Variants in ZNF804B observed in about 807,000 individuals in gnomAD.
ZNF804B encodes the protein zinc finger protein 804B, also known as zinc finger 804B.
A neutral mutation model predicts 101.4 loss-of-function variants in ZNF804B; 80 were observed. That is an observed-to-expected ratio of 0.79 (90% CI 0.66 to 0.95). The LOEUF (loss-of-function observed/expected upper bound fraction) is 0.95, where lower values mean the gene tolerates loss of function less well. Ranked by LOEUF, ZNF804B falls within the 40% of genes least tolerant of loss-of-function variation. The pLI is 0.00. For synonymous variants in ZNF804B, 622 were observed against 558.8 expected (o/e 1.11, Z -1.59); for missense variants, 1,673 against 1,561.9 (o/e 1.07, Z -1.20).
intron 1 of ZNF804B, among the ~76,000 whole-genome samples, chr7:88,935,284 C>T (rs1038783565): frequency 6.6e-6 from 1 of 150,408 alleles, no homozygotes; most frequent in African/African-American, 2.4e-5. Context: ...ACAGGTGCAC[C>T]AGAATCTCAG....
intron 1 of ZNF804B, among the ~76,000 whole-genome samples, chr7:88,924,046 G>A (rs1432733264): frequency 6.6e-6 from 1 of 151,944 alleles, no homozygotes; most frequent in Non-Finnish European, 1.5e-5. Flanking sequence ...TTTCCAACTG[G>A]CACACCTTTT....
intron 1 of ZNF804B, among the ~76,000 whole-genome samples, chr7:88,781,380 A>G (rs191859693): frequency 3.9e-5 from 6 of 152,254 alleles, no homozygotes; most frequent in African/African-American, 1.2e-4. Context: ...TGACTTGCTA[A>G]AACATGTTCT....
intron 1 of ZNF804B, among the ~76,000 whole-genome samples, chr7:89,063,940 T>A (rs79467490): frequency 6.6e-6 from 1 of 152,172 alleles, no homozygotes; most frequent in Admixed American, 6.5e-5. Flanking sequence ...TAGTATTGTG[T>A]GTTACTCTCA....
At chr7:89,160,298 A>G (rs1331317602) in intron 1 of ZNF804B, among the ~76,000 whole-genome samples, 1 of 152,148 alleles carries the variant, frequency 6.6e-6, no homozygotes, top group Non-Finnish European at 1.5e-5. Flanking sequence ...TTCCTGTCAC[A>G]TTCCATCATG....
intron 2 of ZNF804B, among the ~76,000 whole-genome samples, chr7:89,271,771 T>G (rs1208846): frequency 0.25 from 37,287 of 151,978 alleles, 4,788 homozygotes; most frequent in Non-Finnish European, 0.27. Flanking sequence ...TATTCAGGGA[T>G]TCAACTTCTT....
At chr7:89,257,214 T>C (rs990261291) in intron 2 of ZNF804B, among the ~76,000 whole-genome samples, 3 of 152,168 alleles carry the variant, frequency 2.0e-5, no homozygotes, top group Admixed American at 2.0e-4. Flanking sequence ...TCCCTCAGTT[T>C]TGTAGTGACT....
intron 2 of ZNF804B, among the ~76,000 whole-genome samples, chr7:89,318,800 G>A (rs577832025): frequency 2.6e-5 from 4 of 152,208 alleles, no homozygotes; most frequent in East Asian, 3.9e-4. Context: ...ACCCAGCGGC[G>A]CTAGAGGAAT....
intron 1 of ZNF804B, among the ~76,000 whole-genome samples, chr7:88,823,055 CAA>C (rs1438792156): frequency 2.0e-5 from 3 of 151,960 alleles, no homozygotes; most frequent in African/African-American, 7.2e-5. Context: ...CAAAAAAATA[CAA>C]AAATTAGCCT....
At chr7:89,251,672 C>T (rs976933176) in intron 2 of ZNF804B, among the ~76,000 whole-genome samples, 2 of 152,140 alleles carry the variant, frequency 1.3e-5, no homozygotes, top group Middle Eastern at 3.4e-3. Context: ...GTAACCAAAA[C>T]GGTATGGTAT....
chr7:89,098,897 C>A (rs893566672), intron 1 of ZNF804B, among the ~76,000 whole-genome samples: 4 of 151,588 alleles, frequency 2.6e-5, no homozygotes, highest in African/African-American at 9.7e-5. Flanking sequence ...TATTTTTATA[C>A]CTGGTCATAA....
At chr7:89,155,018 A>G (rs1234289148) in intron 1 of ZNF804B, among the ~76,000 whole-genome samples, 4 of 152,136 alleles carry the variant, frequency 2.6e-5, no homozygotes, top group Admixed American at 1.3e-4. Context: ...CCATCAATGT[A>G]TGTACCAACT....
chr7:88,978,035 A>G (rs893575531), intron 1 of ZNF804B, among the ~76,000 whole-genome samples: 6 of 151,498 alleles, frequency 4.0e-5, no homozygotes, highest in Admixed American at 2.6e-4. Context: ...TGTTTGTGTA[A>G]TTTTCAAAGT....
chr7:89,027,987 T>C (rs1788776828), intron 1 of ZNF804B, among the ~76,000 whole-genome samples: 1 of 152,196 alleles, frequency 6.6e-6, no homozygotes, highest in Admixed American at 6.6e-5. Context: ...TTCAACGTTT[T>C]ACCACTGGAA....
At chr7:89,065,432 T>C (rs2116288177) in intron 1 of ZNF804B, among the ~76,000 whole-genome samples, 1 of 152,284 alleles carries the variant, frequency 6.6e-6, no homozygotes, top group East Asian at 1.9e-4. Context: ...GTATGTATTT[T>C]TTTTTCTTTT....
At chr7:88,765,872 T>C (rs984119523) in intron 1 of ZNF804B, among the ~76,000 whole-genome samples, 1 of 142,818 alleles carries the variant, frequency 7.0e-6, no homozygotes, top group African/African-American at 2.9e-5. Context: ...ATTTCCAAGT[T>C]ACGTAGTCTC....
rs38971 is a variant in ZNF804B, at chr7:89,327,385, A to G, written c.291A>G (p.Val97=). ...AGCAACGGGAATTTGCTCGAAATGT[A>G]GCTTCTAAGTCATGGAAAGATGAGA... ...ELKQREFARN[V]ASKSWKDEKK... The change falls in exon 3 of 4, where the codon GTA becomes GTG. Residue 97 remains valine, a synonymous_variant. Coordinates refer to ENST00000333190, the MANE Select transcript of ZNF804B (RefSeq NM_181646.5). 0.19 allele frequency: 305,839 copies of G among 1,608,182 alleles called. 36,089 individuals are homozygous for G. The highest frequency in any genetic ancestry group is 0.67 in the East Asian group (29,980 of 44,534).
At chr7:89,202,404 AG>A (rs1436280791) in intron 1 of ZNF804B, among the ~76,000 whole-genome samples, 1 of 152,078 alleles carries the variant, frequency 6.6e-6, no homozygotes, top group Non-Finnish European at 1.5e-5. Context: ...TTTAAAGCTT[AG>A]GGGGATAAAG....
intron 1 of ZNF804B, among the ~76,000 whole-genome samples, chr7:88,853,134 T>A (rs1310569089): frequency 6.6e-6 from 1 of 152,122 alleles, no homozygotes; most frequent in African/African-American, 2.4e-5. Context: ...TGTGAATTGG[T>A]GTCTCTGTTA....
intron 2 of ZNF804B, among the ~76,000 whole-genome samples, chr7:89,250,888 CAT>C (rs1363739427): frequency 6.6e-6 from 1 of 152,110 alleles, no homozygotes; most frequent in African/African-American, 2.4e-5. Context: ...CAAAATCTAA[CAT>C]GTCTTCATGT....
Sources: allele counts gnomAD v4.1 joint callset (sites outside exome capture counted in the v4.1 genomes callset), GRCh38; gene constraint gnomAD v4.1.1; transcripts MANE v1.5; gene names NCBI Gene and HGNC (gene_info 2026-07-23, HGNC 2026-07-21).